PEAK1: variants seen among roughly 807,000 people sequenced by gnomAD.
PEAK1 encodes pseudopodium enriched atypical kinase 1, also known as inactive tyrosine-protein kinase PEAK1.
In PEAK1, 54 loss-of-function variants were observed where a neutral mutation model predicts 124.7. That is an observed-to-expected ratio of 0.43 (90% CI 0.35 to 0.54). The LOEUF (loss-of-function observed/expected upper bound fraction) is 0.54. Among genes scored for constraint, PEAK1 ranks in the 20% least tolerant of loss-of-function variants. PEAK1 has a pLI of 0.01. For missense variants in PEAK1, 2,046 were observed against 2,134.5 expected, an observed-to-expected ratio of 0.96 and a Z score of 0.82; for synonymous variants, 719 against 760.0, an observed-to-expected ratio of 0.95 and a Z score of 0.89.
chr15:77,374,132 G>A (rs1164389060), intron 1 of PEAK1, among the ~76,000 whole-genome samples: 1 of 152,148 alleles, frequency 6.6e-6, no homozygotes, highest in Non-Finnish European at 1.5e-5. Context: ...CACAAACAGT[G>A]ATCATTAAAC....
At chr15:77,211,598 C>T (rs2058908043) in intron 6 of PEAK1, among the ~76,000 whole-genome samples, 1 of 152,014 alleles carries the variant, frequency 6.6e-6, no homozygotes. Flanking sequence ...CCTGTAATCC[C>T]AGCACTTTGG....
intron 6 of PEAK1, among the ~76,000 whole-genome samples, chr15:77,226,370 T>C (rs967664725): frequency 2.0e-5 from 3 of 151,854 alleles, no homozygotes; most frequent in Non-Finnish European, 2.9e-5. Context: ...TAGGTATTCA[T>C]ATGTTTCACT....
chr15:77,290,925 T>C (rs902479227), intron 2 of PEAK1, among the ~76,000 whole-genome samples: 4 of 152,146 alleles, frequency 2.6e-5, no homozygotes, highest in African/African-American at 9.7e-5. Flanking sequence ...AACTGAAGAA[T>C]CTCTAAATGT....
chr15:77,287,888 G>T (rs1597120237), intron 2 of PEAK1, among the ~76,000 whole-genome samples: 1 of 152,094 alleles, frequency 6.6e-6, no homozygotes, highest in Non-Finnish European at 1.5e-5. Flanking sequence ...CACTTCACCA[G>T]TCATCTTCAA....
chr15:77,359,147 C>T lies in PEAK1; in HGVS notation c.-603+6016G>A, dbSNP rs183320567. On this transcript the variant is annotated intron_variant, in intron 2 of 9. Coordinates refer to ENST00000682557, the MANE Select transcript of PEAK1 (RefSeq NM_001385026.1). ...AATGTTTTCACCCTAAGATCAGAAA[C>T]GAGACAAGGGCTGAGCACAGTGGCT... 2.7e-3 allele frequency among the ~76,000 whole-genome samples: 418 copies of T among 152,104 alleles called. 3 individuals carry two copies. The highest frequency in any genetic ancestry group is 4.2e-3 in the Non-Finnish European group (284 of 67,990).
intron 1 of PEAK1, among the ~76,000 whole-genome samples, chr15:77,409,144 A>G (rs2072187758): frequency 6.6e-6 from 1 of 152,178 alleles, no homozygotes; most frequent in Non-Finnish European, 1.5e-5. Context: ...AACTGAATCT[A>G]CTTTGAAAAT....
At position 77,180,437 on chromosome 15, in the gene PEAK1, T is replaced by C; in HGVS notation, c.1490A>G (p.Lys497Arg). The change falls in exon 7 of 10, where the codon AAG (lysine) becomes AGG (arginine). Residue 497 changes from lysine to arginine, a missense_variant. Coordinates refer to ENST00000682557, the MANE Select transcript of PEAK1 (RefSeq NM_001385026.1). ...EHLEGPVNSP[K>R]TKSSSSTPNS... ...TGGAGTAGAGGATGAGCTTTTTGTC[T>C]TGGGGCTGTTAACAGGGCCCTCGAG... 1 of 1,614,166 alleles carries C rather than the reference T, an allele frequency of 6.2e-7. No individual in the cohort carries two copies. The highest frequency in any genetic ancestry group is 1.3e-5 in the African/African-American group (1 of 75,032).
At chr15:77,124,169 T>C (rs1299175823) in intron 9 of PEAK1, among the ~76,000 whole-genome samples, 1 of 152,230 alleles carries the variant, frequency 6.6e-6, no homozygotes, top group Non-Finnish European at 1.5e-5. Context: ...TCTGCAACCT[T>C]GGACTCTCTG....
At chr15:77,135,848 T>C (rs1220351733) in intron 8 of PEAK1, among the ~76,000 whole-genome samples, 1 of 152,166 alleles carries the variant, frequency 6.6e-6, no homozygotes, top group Non-Finnish European at 1.5e-5. Flanking sequence ...TTAAGTCCAA[T>C]AAATCTCTTT....
Position 77,401,938 on chromosome 15 carries a change from C to A in PEAK1, c.-666+18068G>T, listed in dbSNP as rs967996877. The A allele has an allele frequency of 5.4e-5, 53 of 981,174 alleles. No individual in the cohort carries two copies. The African/African-American group carries it at 7.7e-4, about 14-fold the overall frequency. 60.8% of individuals were successfully genotyped at this position (981,174 alleles called of 1,614,324 possible). A position where few individuals can be genotyped will look rare whatever the true frequency, so the allele number is the denominator to read the frequency against. On this transcript the variant is annotated intron_variant, in intron 1 of 9. Coordinates refer to ENST00000682557, the MANE Select transcript of PEAK1 (RefSeq NM_001385026.1). ...GGAGGGCCAGGCGCAGTGGCTCACACCTGTAATCCCAGCACTTTGGGAGGC... is the reference window on the plus strand; with the variant it reads ...GGAGGGCCAGGCGCAGTGGCTCACAACTGTAATCCCAGCACTTTGGGAGGC...
intron 5 of PEAK1, among the ~76,000 whole-genome samples, chr15:77,275,418 A>G (rs1200081445): frequency 6.6e-6 from 1 of 152,184 alleles, no homozygotes; most frequent in African/African-American, 2.4e-5. Flanking sequence ...TTATACACAG[A>G]TTTTAAGAAA....
chr15:77,311,990 G>A (rs915964337), intron 2 of PEAK1, among the ~76,000 whole-genome samples: 6 of 152,056 alleles, frequency 3.9e-5, no homozygotes, highest in Non-Finnish European at 7.3e-5. Flanking sequence ...CTGGGAGTAG[G>A]GATACTAGGT....
chr15:77,349,361 A>G (rs757996769), intron 2 of PEAK1: 1 of 983,558 alleles, frequency 1.0e-6, no homozygotes, highest in Non-Finnish European at 1.2e-6. Context: ...TATTTTTTAA[A>G]GTCACACTAC....
At chr15:77,369,922 T>C (rs2141670225) in intron 1 of PEAK1, among the ~76,000 whole-genome samples, 1 of 152,192 alleles carries the variant, frequency 6.6e-6, no homozygotes, top group East Asian at 1.9e-4. Context: ...TGAAGTAATC[T>C]GGGAATTAAA....
chr15:77,350,883 G>A, intron 2 of PEAK1: 3 of 985,116 alleles, frequency 3.0e-6, no homozygotes, highest in Non-Finnish European at 3.6e-6. Context: ...AATCACCTTG[G>A]ATACGCAGGC....
At chr15:77,159,508 G>A (rs1208828780) in intron 7 of PEAK1, among the ~76,000 whole-genome samples, 1 of 152,130 alleles carries the variant, frequency 6.6e-6, no homozygotes, top group Non-Finnish European at 1.5e-5. Context: ...AACTGGCCTA[G>A]TTAGAAAATC....
At chr15:77,144,983 T>C (rs930166265) in intron 8 of PEAK1, among the ~76,000 whole-genome samples, 2 of 152,236 alleles carry the variant, frequency 1.3e-5, no homozygotes, top group African/African-American at 2.4e-5. Context: ...TCTACATTTT[T>C]GTGGCATACC....
intron 6 of PEAK1, among the ~76,000 whole-genome samples, chr15:77,196,192 A>G (rs2058094507): frequency 6.6e-6 from 1 of 152,242 alleles, no homozygotes; most frequent in African/African-American, 2.4e-5. Flanking sequence ...TTTGTCTGTC[A>G]GCCGGTGAAA....
At chr15:77,313,742 T>TATATATATA (rs760524195) in intron 2 of PEAK1, among the ~76,000 whole-genome samples, 13,466 of 112,912 alleles carry the variant, frequency 0.12, 996 homozygotes, top group Middle Eastern at 0.17. Flanking sequence ...ATATATATAT[T>TATATATATA]TATTTATTTA....
Sources: gnomAD v4.1 joint callset for allele counts (sites outside exome capture counted in the v4.1 genomes callset) on GRCh38, gnomAD v4.1.1 for gene constraint, MANE v1.5 for transcripts, NCBI Gene and HGNC (gene_info 2026-07-23, HGNC 2026-07-21) for gene names.